AHI1: variants seen among roughly 807,000 people sequenced by gnomAD.
AHI1 encodes the protein Abelson helper integration site 1, also known as jouberin.
AHI1 carries 123 observed loss-of-function variants against 149.3 expected under a neutral mutation model. That is an observed-to-expected ratio of 0.82 (90% CI 0.71 to 0.96). The LOEUF is 0.96. Among genes scored for constraint, AHI1 ranks in the 40% least tolerant of loss-of-function variants. The pLI, the probability that AHI1 is intolerant of heterozygous loss-of-function variation, is 0.00. For synonymous variants in AHI1, 475 were observed against 459.8 expected (o/e 1.03, Z -0.42); for missense variants, 1,439 against 1,422.7 (o/e 1.01, Z -0.18).
intron 26 of AHI1, chr6:135,302,502 T>G (rs960638210): frequency 9.8e-7 from 1 of 1,016,006 alleles, no homozygotes; most frequent in Admixed American, 5.4e-5. Flanking sequence ...TTAGGTATGT[T>G]AAACATGGTC....
intron 26 of AHI1, chr6:135,305,092 G>C (rs945242179): frequency 2.6e-5 from 4 of 152,154 alleles, no homozygotes; most frequent in African/African-American, 9.7e-5. Context: ...TGGGAGAATG[G>C]ATACTGTTAT....
At chr6:135,344,926 TCACACACA>T (rs59084001) in intron 24 of AHI1, among the ~76,000 whole-genome samples, 28 of 145,798 alleles carry the variant, frequency 1.9e-4, no homozygotes, top group African/African-American at 5.4e-4. Context: ...AAGCTCTGAT[TCACACACA>T]CACACACACA....
intron 13 of AHI1, 127 bp from the exon 14 acceptor site, chr6:135,442,841 C>T (rs1786535785): frequency 1.0e-5 from 9 of 874,294 alleles, no homozygotes; most frequent in Non-Finnish European, 1.3e-5. Flanking sequence ...AACAAGTACG[C>T]AGAATGGTGA....
intron 5 of AHI1, among the ~76,000 whole-genome samples, chr6:135,468,143 C>G (rs1350590454): frequency 6.6e-6 from 1 of 152,124 alleles, no homozygotes; most frequent in Non-Finnish European, 1.5e-5. Context: ...GACTCTTTTG[C>G]TCACCTAAAA....
intron 25 of AHI1, among the ~76,000 whole-genome samples, chr6:135,320,285 G>T (rs1360828515): frequency 6.6e-6 from 1 of 151,960 alleles, no homozygotes; most frequent in Non-Finnish European, 1.5e-5. Context: ...GATGCCAAAA[G>T]AAAACATAAA....
At chr6:135,493,750 A>C (rs1795576978) in intron 3 of AHI1, among the ~76,000 whole-genome samples, 2 of 151,904 alleles carry the variant, frequency 1.3e-5, no homozygotes, top group East Asian at 3.8e-4. Flanking sequence ...ATGATTCATC[A>C]AAAAAAAGCC....
At position 135,336,112 on chromosome 6, in the gene AHI1, TAA is replaced by T. The variant is rs57344793; in HGVS notation, c.3166-12790_3166-12789del. Among the ~76,000 whole-genome samples, 478 of 76,470 alleles carry T rather than the reference TAA, an allele frequency of 6.3e-3. 1 individual carries two copies. The highest frequency in any genetic ancestry group is 0.022 in the African/African-American group (444 of 20,286). The allele number at this position is 76,470 out of a possible 152,430, so 50.2% of individuals were successfully genotyped here. A position where few individuals can be genotyped will look rare whatever the true frequency, so the allele number is the denominator to read the frequency against. ...TGGATGACTAGAGCGAAACTCCGTC[TAA>T]AAAAAAAAAAAAAAAAAAAAAATTC... On this transcript the variant is annotated intron_variant, in intron 24 of 28. Transcript: ENST00000265602.
At chr6:135,321,187 C>T (rs376651910) in intron 25 of AHI1, among the ~76,000 whole-genome samples, 55 of 151,980 alleles carry the variant, frequency 3.6e-4, no homozygotes, top group African/African-American at 1.3e-3. Context: ...TGCTTGAGCC[C>T]GGGAGGTCAA....
chr6:135,376,921 A>AAAAAAAAG (rs1776025303), intron 23 of AHI1, among the ~76,000 whole-genome samples: 6 of 128,798 alleles, frequency 4.7e-5, no homozygotes, highest in African/African-American at 1.7e-4. Flanking sequence ...AAAAAAAAAA[A>AAAAAAAAG]GTTGGTCCAG....
chr6:135,400,789 T>C (rs1166132410), intron 22 of AHI1, among the ~76,000 whole-genome samples: 2 of 152,216 alleles, frequency 1.3e-5, no homozygotes, highest in Non-Finnish European at 2.9e-5. Context: ...GTGAGATGAA[T>C]ACATAATTGA....
intron 3 of AHI1, chr6:135,493,058 G>A (rs1456661266): frequency 2.6e-6 from 2 of 776,142 alleles, no homozygotes; most frequent in African/African-American, 1.9e-5. Context: ...GAGTGCAGTG[G>A]TGTGATCTCG....
At chr6:135,380,016 C>T (rs1776495346) in intron 23 of AHI1, among the ~76,000 whole-genome samples, 1 of 126,734 alleles carries the variant, frequency 7.9e-6, no homozygotes, top group Admixed American at 8.0e-5. Context: ...TTCCTCCCTC[C>T]TTCCTTCCTT....
chr6:135,316,126 T>TGA (rs1785913525), intron 26 of AHI1, among the ~76,000 whole-genome samples: 4 of 152,162 alleles, frequency 2.6e-5, no homozygotes, highest in African/African-American at 9.7e-5. Flanking sequence ...GAGAACCCTC[T>TGA]GCTTGGAGCA....
At chr6:135,463,908 CTAATTTTTG>C (rs763783168) in intron 7 of AHI1, among the ~76,000 whole-genome samples, 21 of 152,040 alleles carry the variant, frequency 1.4e-4, no homozygotes, top group Non-Finnish European at 2.2e-4. Context: ...CCATACCTGG[CTAATTTTTG>C]TAATTTTTGT....
At position 135,404,945 on chromosome 6, in the gene AHI1, A is replaced by G. The variant is rs751303913; in HGVS notation, c.2988+6T>C. ...AGTTATCTTCCTGGTAATAAAAACT[A>G]CTTACTTTTGCAGCACAGGAACGTA... On this transcript the variant is annotated splice_donor_region_variant and intron_variant, in intron 22 of 28. Coordinates refer to ENST00000265602, the MANE Select transcript of AHI1 (RefSeq NM_001134831.2). 1.2e-5 allele frequency: 20 copies of G among 1,607,772 alleles called. No homozygotes were observed. The South Asian group carries it at 1.6e-4, about 13-fold the overall frequency.
intron 2 of AHI1, among the ~76,000 whole-genome samples, chr6:135,496,409 C>T (rs1033578861): frequency 3.9e-5 from 6 of 152,152 alleles, no homozygotes; most frequent in Non-Finnish European, 8.8e-5. Context: ...TGACCCACTG[C>T]GCTCAGCCAT....
chr6:135,428,612 G>A lies in AHI1; in HGVS notation c.2623+17C>T. ...TGTACCTCCCCAAATGATTTTTAAAGTTCAATAAACATTCACCTGTTTCTG... is the reference window on the plus strand; with the variant it reads ...TGTACCTCCCCAAATGATTTTTAAAATTCAATAAACATTCACCTGTTTCTG... On this transcript the variant is annotated intron_variant, in intron 19 of 28. Transcript: ENST00000265602. The A allele has an allele frequency of 6.3e-7, 1 of 1,589,822 alleles. No individual in the cohort carries two copies. The highest frequency in any genetic ancestry group is 2.3e-5 in the East Asian group (1 of 44,084).
At chr6:135,352,553 C>T (rs1358707193) in intron 24 of AHI1, among the ~76,000 whole-genome samples, 2 of 152,056 alleles carry the variant, frequency 1.3e-5, no homozygotes, top group African/African-American at 2.4e-5. Context: ...ACACCATATT[C>T]CTATATTTGG....
At chr6:135,364,541 G>A (rs373087474) in intron 23 of AHI1, among the ~76,000 whole-genome samples, 1,542 of 144,286 alleles carry the variant, frequency 0.011, 21 homozygotes, top group African/African-American at 0.038. Context: ...CAAGGCAGGC[G>A]GCTGGGAGGT....
Sources: gnomAD v4.1 joint callset for allele counts (sites outside exome capture counted in the v4.1 genomes callset) on GRCh38, gnomAD v4.1.1 for gene constraint, MANE v1.5 for transcripts, NCBI Gene and HGNC (gene_info 2026-07-23, HGNC 2026-07-21) for gene names.